CEP76: variants seen among roughly 807,000 people sequenced by gnomAD.
CEP76 encodes the protein centrosomal protein of 76 kDa.
In CEP76, 55 loss-of-function variants were observed where a neutral mutation model predicts 83.3. The ratio of observed to expected loss-of-function variants is 0.66; its 90% CI spans 0.53 to 0.83. CEP76 has a LOEUF of 0.83. Among genes scored for constraint, CEP76 ranks in the 40% least tolerant of loss-of-function variants. CEP76 has a pLI of 0.00. For synonymous variants in CEP76, 270 were observed against 274.5 expected, an observed-to-expected ratio of 0.98 and a Z score of 0.16; for missense variants, 694 against 799.5, an observed-to-expected ratio of 0.87 and a Z score of 1.59.
At chr18:12,690,428 CA>C (rs1288409659) in intron 7 of CEP76, among the ~76,000 whole-genome samples, 1 of 150,970 alleles carries the variant, frequency 6.6e-6, no homozygotes, top group Non-Finnish European at 1.5e-5. Flanking sequence ...TTAGGAGTTA[CA>C]AAAAATACGT....
downstream of CEP76, among the ~76,000 whole-genome samples, chr18:12,671,963 G>A (rs2061166062): frequency 6.6e-6 from 1 of 151,642 alleles, no homozygotes; most frequent in African/African-American, 2.4e-5. Flanking sequence ...TAGACTACAG[G>A]CACATGCCAC....
intron 7 of CEP76, among the ~76,000 whole-genome samples, chr18:12,689,439 T>C (rs1191049635): frequency 1.3e-5 from 2 of 152,212 alleles, no homozygotes; most frequent in Non-Finnish European, 2.9e-5. Flanking sequence ...TTGAAAAGAC[T>C]GTTCACTTCT....
At chr18:12,684,502 T>TG (rs2039469256) in intron 8 of CEP76, 2 of 150,402 alleles carry the variant, frequency 1.3e-5, no homozygotes, top group South Asian at 4.2e-4. Context: ...TTTTTTGAGA[T>TG]GGAGTTTTGC....
At chr18:12,701,762 A>G (rs112677593) in intron 1 of CEP76, among the ~76,000 whole-genome samples, 2,199 of 152,278 alleles carry the variant, frequency 0.014, 62 homozygotes, top group African/African-American at 0.05. Flanking sequence ...CTTCTCTTCC[A>G]TGACTTATTT....
intron 5 of CEP76, among the ~76,000 whole-genome samples, chr18:12,695,955 C>T (rs1008815477): frequency 2.0e-5 from 3 of 151,924 alleles, no homozygotes; most frequent in Admixed American, 6.6e-5. Flanking sequence ...TATCCAATTA[C>T]AGGCTGAGTA....
chr18:12,679,505 T>C (rs544405657), intron 9 of CEP76, among the ~76,000 whole-genome samples: 1 of 152,300 alleles, frequency 6.6e-6, no homozygotes, highest in East Asian at 1.9e-4. Context: ...GTTCAATAAA[T>C]TCCATTTTTC....
At chr18:12,698,932 TAAC>T in intron 4 of CEP76, 44 bp downstream of exon 4, 1 of 1,308,802 alleles carries the variant, frequency 7.6e-7, no homozygotes, top group Non-Finnish European at 1.1e-6. Context: ...CAATAAAACA[TAAC>T]AAAGATTTAC....
At chr18:12,669,945 C>G (rs1345959921), downstream of CEP76, among the ~76,000 whole-genome samples, 3 of 150,472 alleles carry the variant, frequency 2.0e-5, no homozygotes, top group South Asian at 2.1e-4. Context: ...TGCGGTGAGC[C>G]GAGATTGCAC....
At chr18:12,667,218 T>C (rs1294009950) in intron 12 of CEP76, among the ~76,000 whole-genome samples, 1 of 152,222 alleles carries the variant, frequency 6.6e-6, no homozygotes, top group Non-Finnish European at 1.5e-5. Context: ...CCCAACACTT[T>C]GGGAGGCTGA....
chr18:12,673,749 C>T (rs1377184529), intron 11 of CEP76, among the ~76,000 whole-genome samples: 12 of 151,978 alleles, frequency 7.9e-5, no homozygotes, highest in African/African-American at 2.4e-4. Context: ...CGTGTGGTGG[C>T]GGGCGTCTGT....
chr18:12,698,513 T>G (rs1023835018), intron 4 of CEP76, among the ~76,000 whole-genome samples: 4 of 152,172 alleles, frequency 2.6e-5, no homozygotes, highest in African/African-American at 9.7e-5. Flanking sequence ...TTGCCCAGAC[T>G]TGTCTTGAAC....
Position 12,673,336 on chromosome 18 carries a change from C to G in CEP76, c.*29G>C. On this transcript the variant is annotated 3_prime_UTR_variant, in exon 12 of 12. Coordinates refer to ENST00000262127, the MANE Select transcript of CEP76 (RefSeq NM_024899.4). ...CAATGTGTAAAATTCCAATTAAACA[C>G]AGGTATAAATCTTATATAAATATTG... 2 of 1,571,310 alleles carry G rather than the reference C, an allele frequency of 1.3e-6. No individual in the cohort carries two copies. The highest frequency in any genetic ancestry group is 1.7e-6 in the Non-Finnish European group (2 of 1,166,316).
At position 12,680,752 on chromosome 18, in the gene CEP76, C is replaced by T. The variant is rs2039318481; in HGVS notation, c.1199G>A (p.Gly400Glu). 1 of 1,613,506 alleles carries T rather than the reference C, an allele frequency of 6.2e-7. No individual in the cohort carries two copies. Among genetic ancestry groups the T allele is most frequent in the Admixed American group, 1.7e-5 (1 of 59,922 alleles). ...ATGAGGTACTCCTTTTGCCTTGGTC[C>T]CAACACAAACAAAGGCTTCTAATCC... ...GYGLEAFVCV[G>E]TKAKGVPHAW... is the part of the protein sequence containing the mutation. Residue 400 changes from glycine to glutamate, a missense_variant, in exon 9 of 12, where the codon GGG becomes GAG. Transcript: ENST00000262127.
intron 7 of CEP76, among the ~76,000 whole-genome samples, chr18:12,690,428 CAAAAAATACGTGA>C (rs2039711030): frequency 6.6e-6 from 1 of 150,970 alleles, no homozygotes; most frequent in African/African-American, 2.4e-5. Context: ...TTAGGAGTTA[CAAAAAATACGTGA>C]ACCTGACCAC....
Position 12,702,522 on chromosome 18 carries a change from G to A in CEP76, c.27C>T (p.Ser9=), listed in dbSNP as rs565697819. Residue 9 remains serine (S), a synonymous_variant, in exon 1 of 12, where the codon TCC becomes TCT. Transcript: ENST00000262127. MSLPPEKA[S]ELKQLIHQQL... is the part of the protein sequence containing the mutation. Reference sequence around the variant, plus strand: ...GCTGGTGGATGAGCTGCTTCAGCTCGGAGGCTTTCTCCGGAGGCAGCGACA... The same window carrying A: ...GCTGGTGGATGAGCTGCTTCAGCTCAGAGGCTTTCTCCGGAGGCAGCGACA... 8.7e-6 allele frequency: 14 copies of A among 1,608,876 alleles called. No homozygotes were observed. The East Asian group carries it at 9.0e-5, about 10-fold the overall frequency.
chr18:12,685,356 A>G (rs1027393292), intron 8 of CEP76: 4 of 152,166 alleles, frequency 2.6e-5, no homozygotes, highest in African/African-American at 9.7e-5. Context: ...CATCAGTAGT[A>G]CCAGAAAGCC....
chr18:12,691,995 C>T (rs969537720), intron 6 of CEP76, among the ~76,000 whole-genome samples: 1 of 151,902 alleles, frequency 6.6e-6, no homozygotes, highest in Non-Finnish European at 1.5e-5. Flanking sequence ...CTGGGATTAC[C>T]GCGCCTGGCC....
intron 4 of CEP76, chr18:12,698,690 T>A (rs944995013): frequency 1.7e-5 from 5 of 301,000 alleles, no homozygotes; most frequent in Admixed American, 9.1e-5. Context: ...CACTATATCA[T>A]CCCAGCACCT....
rs1441906732 is a variant in CEP76 at position 12,672,742 on chromosome 18, T to C, written c.*623A>G. The C allele has an allele frequency of 1.0e-6, 1 of 973,074 alleles. No homozygotes were observed. The highest frequency in any genetic ancestry group is 1.2e-6 in the Non-Finnish European group (1 of 818,500). The allele number at this position is 973,074 out of a possible 1,614,324, so 60.3% of individuals were successfully genotyped here. A position where few individuals can be genotyped will look rare whatever the true frequency, so the allele number is the denominator to read the frequency against. The stretch of plus-strand genomic sequence containing the variant: ...AATCACAGTGATAAATATTTCTAAA[T>C]GATTCATGTACTTTCATATGAGGTT... On this transcript the variant is annotated 3_prime_UTR_variant, in exon 12 of 12. Transcript: ENST00000262127.
Sources: allele counts gnomAD v4.1 joint callset (sites outside exome capture counted in the v4.1 genomes callset), GRCh38; gene constraint gnomAD v4.1.1; transcripts MANE v1.5; gene names NCBI Gene and HGNC (gene_info 2026-07-23, HGNC 2026-07-21).